Variants in RYR2 observed in about 807,000 individuals in gnomAD.
RYR2 encodes the protein cardiac muscle ryanodine receptor-calcium release channel.
A neutral mutation model predicts 601.1 loss-of-function variants in RYR2; 227 were observed. The observed-to-expected ratio is 0.38, with a 90% CI of 0.34 to 0.42. The LOEUF is 0.42. RYR2 is among the 10% of genes least tolerant of loss of function. RYR2 has a pLI of 1.00. For missense variants in RYR2, 4,646 were observed against 6,156.5 expected (o/e 0.75, Z 8.21); for synonymous variants, 2,223 against 2,175.1 (o/e 1.02, Z -0.61).
Position 237,058,631 on chromosome 1 carries a change from T to A in RYR2, c.48+16062T>A, listed in dbSNP as rs900283517. 3.3e-5 allele frequency among the ~76,000 whole-genome samples: 5 copies of A among 152,198 alleles called. No individual in the cohort carries two copies. In the South Asian group the frequency reaches 1.0e-3, roughly 31 times the overall value. ...ACACTTTCTCAAAAGGAATCTTCCTTGGAGGCGGGGCGTGGTGGCTCACAC... is the reference window on the plus strand; with the variant it reads ...ACACTTTCTCAAAAGGAATCTTCCTAGGAGGCGGGGCGTGGTGGCTCACAC... On this transcript the variant is annotated intron_variant, in intron 1 of 104. Coordinates refer to ENST00000366574, the MANE Select transcript of RYR2 (RefSeq NM_001035.3).
intron 3 of RYR2, among the ~76,000 whole-genome samples, chr1:237,339,766 C>T (rs1249359847): frequency 2.6e-5 from 4 of 152,124 alleles, no homozygotes; most frequent in Non-Finnish European, 2.9e-5. Flanking sequence ...TTACAGGATA[C>T]CTTGTAGGAA....
chr1:237,474,760 G>C (rs2150334751), intron 17 of RYR2, among the ~76,000 whole-genome samples: 1 of 152,256 alleles, frequency 6.6e-6, no homozygotes. Context: ...GCAGTAACTG[G>C]TAGGCTGCAG....
chr1:237,779,682 T>G (rs1042826147), intron 88 of RYR2, among the ~76,000 whole-genome samples: 8 of 152,160 alleles, frequency 5.3e-5, no homozygotes, highest in Non-Finnish European at 1.2e-4. Flanking sequence ...TGGATGCTAG[T>G]AAAAGTGGTA....
intron 10 of RYR2, among the ~76,000 whole-genome samples, chr1:237,398,055 T>G (rs1446698312): frequency 2.0e-5 from 3 of 152,166 alleles, no homozygotes; most frequent in Non-Finnish European, 4.4e-5. Context: ...GAAGAGTCTG[T>G]TCTGTCAGTC....
chr1:237,760,049 A>G (rs1693289476), intron 83 of RYR2, among the ~76,000 whole-genome samples, 197 bp downstream of exon 83: 2 of 152,086 alleles, frequency 1.3e-5, no homozygotes, highest in Non-Finnish European at 2.9e-5. Flanking sequence ...AACTTACAGA[A>G]TGGTAATAAT....
At chr1:237,587,730 C>T (rs141378549) in intron 29 of RYR2, among the ~76,000 whole-genome samples, 1 of 152,256 alleles carries the variant, frequency 6.6e-6, no homozygotes, top group Non-Finnish European at 1.5e-5. Context: ...TATTACTAGA[C>T]ACTGAATATT....
At chr1:237,663,321 G>T in intron 56 of RYR2, among the ~76,000 whole-genome samples, 1 of 152,074 alleles carries the variant, frequency 6.6e-6, no homozygotes, top group East Asian at 1.9e-4. Context: ...TTTCTATCAT[G>T]TATAAACTCT....
intron 69 of RYR2, among the ~76,000 whole-genome samples, 182 bp downstream of exon 69, chr1:237,709,280 C>T (rs1214415982): frequency 2.0e-5 from 3 of 151,954 alleles, no homozygotes; most frequent in Non-Finnish European, 1.5e-5. Context: ...CAAAGTTGGC[C>T]GTTTCATTCT....
chr1:237,063,212 A>G (rs1350923764), intron 1 of RYR2, among the ~76,000 whole-genome samples: 1 of 152,230 alleles, frequency 6.6e-6, no homozygotes, highest in Non-Finnish European at 1.5e-5. Flanking sequence ...GAACCTGGCC[A>G]TGCTGGCTCT....
intron 80 of RYR2, among the ~76,000 whole-genome samples, chr1:237,754,075 T>C (rs1473801825): frequency 1.3e-5 from 2 of 152,004 alleles, no homozygotes; most frequent in Admixed American, 6.6e-5. Context: ...AAAGAATAAA[T>C]TCAACAGAGA....
At chr1:237,127,555 CG>C (rs1383370024) in intron 1 of RYR2, among the ~76,000 whole-genome samples, 3 of 147,118 alleles carry the variant, frequency 2.0e-5, no homozygotes, top group Non-Finnish European at 3.0e-5. Context: ...GCTGGCCTGG[CG>C]GGGGGCTGAC....
At chr1:237,769,156 AT>A (rs1573875486) in intron 84 of RYR2, among the ~76,000 whole-genome samples, 1 of 152,150 alleles carries the variant, frequency 6.6e-6, no homozygotes, top group African/African-American at 2.4e-5. Context: ...TGAAAAAAAA[AT>A]TGCAGATGGG....
In RYR2 at chr1:237,614,904, A is replaced by G. The variant is rs916871890; in HGVS notation, c.5715+61A>G. 2.7e-6 allele frequency: 4 copies of G among 1,459,916 alleles called. No homozygotes were observed. The South Asian group carries it at 5.7e-5, about 21-fold the overall frequency. 90.4% of individuals were successfully genotyped at this position (1,459,916 alleles called of 1,614,324 possible). A position where few individuals can be genotyped will look rare whatever the true frequency, so the allele number is the denominator to read the frequency against. ...TTGCTAAGCATTAAGGTATTAGAAC[A>G]TGCCTTTGTTTCTTTCTCTGTGTGT... On this transcript the variant is annotated intron_variant, in intron 37 of 104. Coordinates refer to ENST00000366574, the MANE Select transcript of RYR2 (RefSeq NM_001035.3). The surrounding 1 kb of genome is among the most constrained non-coding windows in gnomAD (Gnocchi z 4.3).
At chr1:237,638,618 AG>A in intron 45 of RYR2, 126 bp downstream of exon 45, 1 of 1,061,368 alleles carries the variant, frequency 9.4e-7, no homozygotes, top group African/African-American at 1.6e-5. Flanking sequence ...TATAATCGAT[AG>A]GGGTTTTTCA....
intron 2 of RYR2, among the ~76,000 whole-genome samples, chr1:237,275,762 T>C (rs751662024): frequency 2.0e-5 from 3 of 152,136 alleles, no homozygotes; most frequent in Non-Finnish European, 4.4e-5. Context: ...TCACATACCA[T>C]ATTAAAGAAT....
rs887780125 is a variant in RYR2 at position 237,382,109 on chromosome 1, C to A, written c.576+4674C>A. On this transcript the variant is annotated intron_variant, in intron 8 of 104. Transcript: ENST00000366574. ...AGGTGTAAAAATCACTCCAGTAAGC[C>A]CAAATGTTTTCAATCTGTGGATTGG... 3.3e-5 allele frequency among the ~76,000 whole-genome samples: 5 copies of A among 152,158 alleles called. No individual in the cohort carries two copies. The East Asian group carries it at 9.7e-4, about 29-fold the overall frequency.
At chr1:237,497,051 A>G (rs1664147230) in intron 20 of RYR2, among the ~76,000 whole-genome samples, 1 of 152,252 alleles carries the variant, frequency 6.6e-6, no homozygotes, top group Non-Finnish European at 1.5e-5. Flanking sequence ...GTGTATTTAA[A>G]GAGTGCATTC....
intron 98 of RYR2, 70 bp downstream of exon 98, chr1:237,801,986 G>A: frequency 2.2e-6 from 2 of 889,570 alleles, no homozygotes; most frequent in Non-Finnish European, 3.7e-6. Flanking sequence ...TTCTGCAGAT[G>A]GAAGGCTGGT....
At chr1:237,236,596 G>A (rs1239640764) in intron 1 of RYR2, among the ~76,000 whole-genome samples, 1 of 152,170 alleles carries the variant, frequency 6.6e-6, no homozygotes, top group Admixed American at 6.5e-5. Context: ...GGTAGAGAAA[G>A]TCTAAAGCTC....
Sources: gnomAD v4.1 joint callset for allele counts (sites outside exome capture counted in the v4.1 genomes callset) on GRCh38, gnomAD v4.1.1 for gene constraint, Gnocchi (gnomAD v3.1) non-coding constraint, MANE v1.5 for transcripts, NCBI Gene and HGNC (gene_info 2026-07-23, HGNC 2026-07-21) for gene names.